The following CPEB4 variants were observed in gnomAD, a reference collection of about 807,000 sequenced individuals.
CPEB4 encodes cytoplasmic polyadenylation element-binding protein 4.
Under a neutral mutation model 72.5 loss-of-function variants are expected in CPEB4, and 12 were observed. The observed-to-expected ratio is 0.17, with a 90% CI of 0.11 to 0.27. The LOEUF is 0.27. Among genes scored for constraint, CPEB4 ranks in the 10% least tolerant of loss-of-function variants. The pLI, the probability that CPEB4 is intolerant of heterozygous loss-of-function variation, is 1.00. For missense variants in CPEB4, 614 were observed against 908.5 expected (o/e 0.68, Z 4.17); for synonymous variants, 302 against 326.3 (o/e 0.93, Z 0.80).
Position 173,888,558 on chromosome 5 carries a change from A to C in CPEB4, c.-1176A>C. The C allele has an allele frequency of 5.0e-6, 2 of 403,610 alleles. No homozygotes were observed. Among genetic ancestry groups the C allele is most frequent in the Non-Finnish European group, 8.7e-6 (2 of 229,392 alleles). The allele number at this position is 403,610 out of a possible 1,614,324, so 25.0% of individuals were successfully genotyped here. On this transcript the variant is annotated 5_prime_UTR_variant, in exon 1 of 10. Coordinates refer to ENST00000265085, the MANE Select transcript of CPEB4 (RefSeq NM_030627.4). The surrounding 1 kb of genome is among the most constrained non-coding windows in gnomAD (Gnocchi z 4.3). The stretch of plus-strand genomic sequence containing the variant: ...AAAGCGGCGACGGCGGCGACGGCCC[A>C]GCAACCGTGAGGAGAAACAAAAGCC...
chr5:173,902,763 C>T (rs1190557709), intron 1 of CPEB4, among the ~76,000 whole-genome samples: 10 of 152,148 alleles, frequency 6.6e-5, no homozygotes, highest in Admixed American at 6.5e-4. Flanking sequence ...ACAAATTTTA[C>T]AAGAAAATTC....
At chr5:173,902,762 A>T (rs1756284119) in intron 1 of CPEB4, among the ~76,000 whole-genome samples, 1 of 152,234 alleles carries the variant, frequency 6.6e-6, no homozygotes, top group African/African-American at 2.4e-5. Context: ...GACAAATTTT[A>T]CAAGAAAATT....
In CPEB4 at chr5:173,955,628, T is replaced by C. The variant is rs79286229; in HGVS notation, c.1963-282T>C. ...CTCCTGTGGGTTTAATCTCATAACA[T>C]TCTAGTCTAAACAGTTGGCTTCACT... On this transcript the variant is annotated intron_variant, in intron 9 of 9. Transcript: ENST00000265085. This position sits in a 1 kb window ranked among gnomAD's most constrained non-coding sequence, Gnocchi z 4.7. 9.1e-4 allele frequency among the ~76,000 whole-genome samples: 138 copies of C among 152,340 alleles called. 2 individuals carry two copies. The East Asian group carries it at 0.023, about 26-fold the overall frequency.
intron 9 of CPEB4, among the ~76,000 whole-genome samples, chr5:173,953,807 C>T (rs980027912): frequency 1.5e-4 from 22 of 151,580 alleles, no homozygotes; most frequent in African/African-American, 3.9e-4. Context: ...ATTCAACAAA[C>T]GTTTTAGTGC....
intron 7 of CPEB4, among the ~76,000 whole-genome samples, 154 bp from the exon 8 acceptor site, chr5:173,951,670 G>A (rs1323092796): frequency 6.6e-6 from 1 of 152,152 alleles, no homozygotes; most frequent in African/African-American, 2.4e-5. Flanking sequence ...GATGGGTTGG[G>A]ATACACTGTT....
intron 2 of CPEB4, among the ~76,000 whole-genome samples, chr5:173,931,086 A>G (rs955448091): frequency 7.2e-5 from 11 of 152,164 alleles, no homozygotes; most frequent in African/African-American, 2.7e-4. Context: ...GCTGTTGGCA[A>G]TAGAGAATAG....
chr5:173,903,188 T>C (rs1756303689), intron 1 of CPEB4, among the ~76,000 whole-genome samples: 1 of 152,244 alleles, frequency 6.6e-6, no homozygotes, highest in Non-Finnish European at 1.5e-5. Flanking sequence ...CACTCACCTC[T>C]TGATGCTTTT....
chr5:173,945,124 T>A lies in CPEB4; in HGVS notation c.1440T>A (p.Pro480=), dbSNP rs1478028837. Reference sequence around the variant, plus strand: ...GAAAGGTGTTTGTAGGCGGATTGCCTCCAGACATTGATGAAGGTATGTTTA... The same window carrying A: ...GAAAGGTGTTTGTAGGCGGATTGCCACCAGACATTGATGAAGGTATGTTTA... ...YSRKVFVGGL[P]PDIDEDEITA... The change falls in exon 5 of 10, where the codon CCT becomes CCA. Residue 480 remains proline, a synonymous_variant. Transcript: ENST00000265085. 3.6e-5 allele frequency: 58 copies of A among 1,613,358 alleles called. No individual in the cohort carries two copies. The East Asian group carries it at 1.3e-3, about 35-fold the overall frequency.
In CPEB4 at chr5:173,888,452, A is replaced by G; in HGVS notation, c.-1282A>G. 6.8e-6 allele frequency: 3 copies of G among 443,570 alleles called. No homozygotes were observed. The highest frequency in any genetic ancestry group is 4.3e-5 in the Admixed American group (1 of 23,514). The allele number at this position is 443,570 out of a possible 1,614,324, so 27.5% of individuals were successfully genotyped here. A position where few individuals can be genotyped will look rare whatever the true frequency, so the allele number is the denominator to read the frequency against. On this transcript the variant is annotated 5_prime_UTR_variant, in exon 1 of 10. Transcript: ENST00000265085. This position sits in a 1 kb window ranked among gnomAD's most constrained non-coding sequence, Gnocchi z 4.3. ...GCGGCAGCAGCGGCGACAGCAGAGGAGGAAGAGGAGGAAGAAGGAAAGAAA... is the reference window on the plus strand; with the variant it reads ...GCGGCAGCAGCGGCGACAGCAGAGGGGGAAGAGGAGGAAGAAGGAAAGAAA...
intron 3 of CPEB4, among the ~76,000 whole-genome samples, chr5:173,934,763 A>T (rs1043172074): frequency 6.6e-6 from 1 of 152,194 alleles, no homozygotes; most frequent in African/African-American, 2.4e-5. Flanking sequence ...AGAGCAGAAG[A>T]TTGCTTGAAA....
In CPEB4 at chr5:173,888,398, G is replaced by T; in HGVS notation, c.-1336G>T. On this transcript the variant is annotated 5_prime_UTR_variant, in exon 1 of 10. Coordinates refer to ENST00000265085, the MANE Select transcript of CPEB4 (RefSeq NM_030627.4). This position sits in a 1 kb window ranked among gnomAD's most constrained non-coding sequence, Gnocchi z 4.3. Reference sequence around the variant, plus strand: ...GACTCAGCCGCGGCTGCGGGACCCGGGCACCGGGAGGCGGTGGCGGCGGCG... The same window carrying T: ...GACTCAGCCGCGGCTGCGGGACCCGTGCACCGGGAGGCGGTGGCGGCGGCG... 2.2e-6 allele frequency: 1 copy of T among 456,554 alleles called. No homozygotes were observed. The highest frequency in any genetic ancestry group is 3.8e-6 in the Non-Finnish European group (1 of 264,870). The allele number at this position is 456,554 out of a possible 1,614,324, so 28.3% of individuals were successfully genotyped here.
intron 1 of CPEB4, chr5:173,892,986 C>T (rs1274899661): frequency 1.4e-5 from 2 of 141,084 alleles, no homozygotes; most frequent in Admixed American, 1.4e-4. Context: ...TCATCCCCAC[C>T]ATTTGTAGCT....
At chr5:173,936,885 A>G (rs898089890) in intron 3 of CPEB4, among the ~76,000 whole-genome samples, 10 of 151,380 alleles carry the variant, frequency 6.6e-5, no homozygotes, top group Admixed American at 2.6e-4. Context: ...TCAAAAATGA[A>G]CCTTGTGGCA....
intron 7 of CPEB4, among the ~76,000 whole-genome samples, chr5:173,951,098 C>T (rs1758201557): frequency 6.6e-6 from 1 of 152,122 alleles, no homozygotes; most frequent in Non-Finnish European, 1.5e-5. Context: ...ACTCTTTCTG[C>T]TTGACTTGTT....
At position 173,898,123 on chromosome 5, in the gene CPEB4, C is replaced by T. The variant is rs535853347; in HGVS notation, c.1125+7265C>T. Among the ~76,000 whole-genome samples the T allele has an allele frequency of 2.0e-5, 3 of 152,228 alleles. No homozygotes were observed. The East Asian group carries it at 5.8e-4, about 29-fold the overall frequency. ...AAAGATTTATCAGATATATTCTAATCATTTTTTAGTAGACCAAAACTAAGT... is the reference window on the plus strand; with the variant it reads ...AAAGATTTATCAGATATATTCTAATTATTTTTTAGTAGACCAAAACTAAGT... On this transcript the variant is annotated intron_variant, in intron 1 of 9. Coordinates refer to ENST00000265085, the MANE Select transcript of CPEB4 (RefSeq NM_030627.4).
At chr5:173,906,230 C>A (rs1409859024) in intron 1 of CPEB4, among the ~76,000 whole-genome samples, 2 of 152,186 alleles carry the variant, frequency 1.3e-5, no homozygotes, top group Non-Finnish European at 2.9e-5. Flanking sequence ...CATAGGAAAA[C>A]CAGCATTGTT....
rs367695006 is a variant in CPEB4, at chr5:173,905,436, C to T, written c.1126-5087C>T. On this transcript the variant is annotated intron_variant, in intron 1 of 9. Coordinates refer to ENST00000265085, the MANE Select transcript of CPEB4 (RefSeq NM_030627.4). Reference sequence around the variant, plus strand: ...TGCAACCCCGCCTCCCAGGTTCAAACGATTCTCCTGCCTCAGCCTCCCAAG... The same window carrying T: ...TGCAACCCCGCCTCCCAGGTTCAAATGATTCTCCTGCCTCAGCCTCCCAAG... Among the ~76,000 whole-genome samples the T allele has an allele frequency of 1.9e-4, 29 of 151,986 alleles. No homozygotes were observed. In the South Asian group the frequency reaches 5.0e-3, roughly 26 times the overall value.
At chr5:173,917,186 T>A (rs1178838373) in intron 2 of CPEB4, among the ~76,000 whole-genome samples, 1 of 152,230 alleles carries the variant, frequency 6.6e-6, no homozygotes, top group Non-Finnish European at 1.5e-5. Context: ...ATAAATAATT[T>A]TTTTTCAAAA....
In CPEB4 at chr5:173,890,657, C is replaced by T; in HGVS notation, c.924C>T (p.Gly308=). The change falls in exon 1 of 10, where the codon GGC becomes GGT. Residue 308 remains glycine (G), a synonymous_variant. Coordinates refer to ENST00000265085, the MANE Select transcript of CPEB4 (RefSeq NM_030627.4). ...GCCCGGGCGGTGGTGGATATGGTGG[C>T]TGGGGAGGTTCCCAAGGCCGAGATC... ...SWSPGGGGYG[G]WGGSQGRDHR... is the part of the protein sequence containing the mutation. 6.2e-7 allele frequency: 1 copy of T among 1,613,978 alleles called. No individual in the cohort carries two copies. The highest frequency in any genetic ancestry group is 8.5e-7 in the Non-Finnish European group (1 of 1,179,938).
Sources: gnomAD v4.1 joint callset for allele counts (sites outside exome capture counted in the v4.1 genomes callset) on GRCh38, gnomAD v4.1.1 for gene constraint, Gnocchi (gnomAD v3.1) non-coding constraint, MANE v1.5 for transcripts, NCBI Gene and HGNC (gene_info 2026-07-23, HGNC 2026-07-21) for gene names.